The following ADAMTS18 variants were observed in gnomAD, a reference collection of about 807,000 sequenced individuals.
ADAMTS18 encodes the protein A disintegrin and metalloproteinase with thrombospondin motifs 18.
ADAMTS18 carries 157 observed loss-of-function variants against 165.9 expected under a neutral mutation model. The ratio of observed to expected loss-of-function variants is 0.95; its 90% confidence interval spans 0.83 to 1.08. ADAMTS18 has a LOEUF of 1.08. Ranked by LOEUF, ADAMTS18 falls within the 50% of genes least tolerant of loss-of-function variation. ADAMTS18 has a pLI of 0.00. For missense variants in ADAMTS18, 2,040 were observed against 1,534.0 expected, an observed-to-expected ratio of 1.33 and a Z score of -5.51; for synonymous variants, 782 against 578.2, an observed-to-expected ratio of 1.35 and a Z score of -5.06.
chr16:77,295,231 T>C (rs755839639), intron 18 of ADAMTS18, 104 bp from the exon 19 acceptor site: 1 of 1,155,120 alleles, frequency 8.7e-7, no homozygotes, highest in Non-Finnish European at 1.3e-6. Flanking sequence ...CATGAATCAA[T>C]TTCAGAACCA....
chr16:77,305,514 C>T (rs776529794), intron 16 of ADAMTS18, among the ~76,000 whole-genome samples: 1 of 152,218 alleles, frequency 6.6e-6, no homozygotes, highest in Non-Finnish European at 1.5e-5. Flanking sequence ...AAGGGCGCTT[C>T]TAAGCACAAC....
intron 12 of ADAMTS18, among the ~76,000 whole-genome samples, chr16:77,327,319 T>C (rs2056112448): frequency 6.6e-6 from 1 of 152,198 alleles, no homozygotes; most frequent in African/African-American, 2.4e-5. Flanking sequence ...TGTAGTCTTT[T>C]ATCCCTTGCC....
rs554093030 is a variant in ADAMTS18 at position 77,371,280 on chromosome 16, A to G, written c.496-3557T>C. On this transcript the variant is annotated intron_variant, in intron 3 of 22. Transcript: ENST00000282849. ...GGAGAAAAAGAAAAAAGAAAACACA[A>G]TCCTAATATTCATATGGAACCACAA... is the stretch of plus-strand genomic sequence containing the variant. Among the ~76,000 whole-genome samples the G allele has an allele frequency of 4.6e-5, 7 of 152,160 alleles. No individual in the cohort carries two copies. In the East Asian group the frequency reaches 1.4e-3, roughly 29 times the overall value.
chr16:77,348,349 T>A (rs902697212), intron 10 of ADAMTS18, among the ~76,000 whole-genome samples: 1 of 152,102 alleles, frequency 6.6e-6, no homozygotes, highest in African/African-American at 2.4e-5. Flanking sequence ...TCCAACACTA[T>A]CTCCACTGCA....
intron 3 of ADAMTS18, among the ~76,000 whole-genome samples, chr16:77,402,952 G>A (rs953002007): frequency 1.2e-4 from 19 of 152,116 alleles, no homozygotes; most frequent in African/African-American, 1.7e-4. Context: ...AGCAACTGCC[G>A]GACAGCAATC....
intron 22 of ADAMTS18, among the ~76,000 whole-genome samples, chr16:77,287,859 A>G (rs1468216134): frequency 6.6e-6 from 1 of 152,158 alleles, no homozygotes; most frequent in Admixed American, 6.5e-5. Context: ...CATCACTGTA[A>G]CACTGTGAAT....
At chr16:77,338,620 T>C (rs745621048) in intron 11 of ADAMTS18, among the ~76,000 whole-genome samples, 17 of 151,942 alleles carry the variant, frequency 1.1e-4, no homozygotes, top group Non-Finnish European at 2.4e-4. Context: ...AGACAGCATG[T>C]ACAAACCTTT....
Position 77,431,509 on chromosome 16 carries a change from C to G in ADAMTS18, c.281G>C (p.Arg94Thr). The G allele has an allele frequency of 6.2e-7, 1 of 1,614,214 alleles. No individual in the cohort carries two copies. Among genetic ancestry groups the G allele is most frequent in the South Asian group, 1.1e-5 (1 of 91,090 alleles). The change falls in exon 3 of 23, where the codon AGA becomes ACA. Residue 94 changes from arginine to threonine, a missense_variant. By Grantham distance (71) the Arg-to-Thr change is moderately conservative (BLOSUM62 -1). Coordinates refer to ENST00000282849, the MANE Select transcript of ADAMTS18 (RefSeq NM_199355.4). Reference sequence around the variant, plus strand: ...TGAAAATCGGTAGTGCAGGGAGCTTCTGGCATTCTGCGCCGATCGCTTTTT... The same window carrying G: ...TGAAAATCGGTAGTGCAGGGAGCTTGTGGCATTCTGCGCCGATCGCTTTTT... ...GRKKRSAQNA[R>T]SSLHYRFSAF...
At chr16:77,328,164 T>G (rs1025364461) in intron 12 of ADAMTS18, among the ~76,000 whole-genome samples, 1 of 152,056 alleles carries the variant, frequency 6.6e-6, no homozygotes, top group African/African-American at 2.4e-5. Flanking sequence ...CAGATTCTAA[T>G]CTGCAAAAAC....
chr16:77,418,910 G>A (rs895912090), intron 3 of ADAMTS18, among the ~76,000 whole-genome samples: 1 of 152,158 alleles, frequency 6.6e-6, no homozygotes, highest in African/African-American at 2.4e-5. Context: ...CGGCACTTTG[G>A]GAGGTCCAGG....
chr16:77,402,126 A>G lies in ADAMTS18; in HGVS notation c.495+29169T>C, dbSNP rs568946314. Among the ~76,000 whole-genome samples, 51 of 152,230 alleles carry G rather than the reference A, an allele frequency of 3.4e-4. No homozygotes were observed. In the South Asian group the frequency reaches 8.7e-3, roughly 26 times the overall value. ...ACCTACCTACCTAATTGTATGTCCT[A>G]TGGGTTCTGTTTTTCTACGGAACGC... On this transcript the variant is annotated intron_variant, in intron 3 of 22. Coordinates refer to ENST00000282849, the MANE Select transcript of ADAMTS18 (RefSeq NM_199355.4).
chr16:77,341,633 C>T (rs2056398781), intron 11 of ADAMTS18, 71 bp downstream of exon 11: 2 of 1,233,422 alleles, frequency 1.6e-6, no homozygotes, highest in Middle Eastern at 1.8e-4. Flanking sequence ...CCTAAGGTCA[C>T]AATACAAACA....
intron 12 of ADAMTS18, among the ~76,000 whole-genome samples, chr16:77,335,513 A>T (rs2056294303): frequency 6.6e-6 from 1 of 152,118 alleles, no homozygotes; most frequent in Non-Finnish European, 1.5e-5. Flanking sequence ...TGACATTGGA[A>T]TTTTTTTAAT....
chr16:77,393,425 T>C (rs2057216005), intron 3 of ADAMTS18, among the ~76,000 whole-genome samples: 1 of 152,184 alleles, frequency 6.6e-6, no homozygotes, highest in South Asian at 2.1e-4. Flanking sequence ...TGAGCTGACA[T>C]ACAGACTAGC....
intron 3 of ADAMTS18, among the ~76,000 whole-genome samples, chr16:77,429,430 C>T (rs1262830438): frequency 2.0e-5 from 3 of 152,066 alleles, no homozygotes; most frequent in African/African-American, 7.2e-5. Context: ...CTGAGGTCTA[C>T]TTGGGGGTGG....
At chr16:77,413,307 A>T (rs1302069913) in intron 3 of ADAMTS18, among the ~76,000 whole-genome samples, 3 of 152,176 alleles carry the variant, frequency 2.0e-5, no homozygotes, top group African/African-American at 4.8e-5. Context: ...CATTAAAACT[A>T]AAGACAGGCT....
At chr16:77,400,925 C>T (rs918097658) in intron 3 of ADAMTS18, among the ~76,000 whole-genome samples, 2 of 146,424 alleles carry the variant, frequency 1.4e-5, no homozygotes, top group Non-Finnish European at 3.0e-5. Flanking sequence ...AAATAAACTA[C>T]CTGCACCCAA....
rs2055199266 is a variant in ADAMTS18 at position 77,284,026 on chromosome 16, G to A, written c.3596C>T (p.Pro1199Leu). 1 of 1,613,932 alleles carries A rather than the reference G, an allele frequency of 6.2e-7. No homozygotes were observed. The highest frequency in any genetic ancestry group is 8.5e-7 in the Non-Finnish European group (1 of 1,179,916). ...CTTGTGGTTGCAGACACCATGCTGAGGAACTAGGTGACACCAGTTGAAGAA... is the reference window on the plus strand; with the variant it reads ...CTTGTGGTTGCAGACACCATGCTGAAGAACTAGGTGACACCAGTTGAAGAA... Reference protein sequence around the residue: ...VDFFNWCHLVPQHGVCNHKFY... With the variant: ...VDFFNWCHLVLQHGVCNHKFY... Residue 1199 changes from proline (P) to leucine (L), a missense_variant, in exon 23 of 23, where the codon CCT becomes CTT. Coordinates refer to ENST00000282849, the MANE Select transcript of ADAMTS18 (RefSeq NM_199355.4).
intron 3 of ADAMTS18, among the ~76,000 whole-genome samples, chr16:77,407,909 T>A (rs2057413114): frequency 6.6e-6 from 1 of 152,088 alleles, no homozygotes; most frequent in Non-Finnish European, 1.5e-5. Flanking sequence ...CAGAGACTGA[T>A]AAATTGCGAG....
Sources: allele counts gnomAD v4.1 joint callset (sites outside exome capture counted in the v4.1 genomes callset), GRCh38; gene constraint gnomAD v4.1.1; transcripts MANE v1.5; gene names NCBI Gene and HGNC (gene_info 2026-07-23, HGNC 2026-07-21).